Variants in PPP3CA observed in about 807,000 individuals in gnomAD.
PPP3CA encodes the protein CAM-PRP catalytic subunit.
A neutral mutation model predicts 66.5 loss-of-function variants in PPP3CA; 14 were observed. The ratio of observed to expected loss-of-function variants is 0.21; its 90% CI spans 0.14 to 0.33. The LOEUF (loss-of-function observed/expected upper bound fraction) is 0.33. PPP3CA is among the 10% of genes least tolerant of loss of function. The pLI, the probability that PPP3CA is intolerant of heterozygous loss-of-function variation, is 1.00. For synonymous variants in PPP3CA, 232 were observed against 226.2 expected, an observed-to-expected ratio of 1.03 and a Z score of -0.23; for missense variants, 317 against 639.5, an observed-to-expected ratio of 0.50 and a Z score of 5.44.
At chr4:101,275,846 C>G (rs1304686413) in intron 1 of PPP3CA, among the ~76,000 whole-genome samples, 1 of 145,836 alleles carries the variant, frequency 6.9e-6, no homozygotes, top group African/African-American at 2.5e-5. Context: ...TTTTTGTTTT[C>G]TGTGTGTATG....
At chr4:101,029,427 C>G (rs966451639) in intron 12 of PPP3CA, among the ~76,000 whole-genome samples, 2 of 148,574 alleles carry the variant, frequency 1.3e-5, no homozygotes, top group South Asian at 2.1e-4. Context: ...GTACGCCTAT[C>G]TGAATTAAAT....
At chr4:101,343,254 A>C (rs1186972106) in intron 1 of PPP3CA, among the ~76,000 whole-genome samples, 1 of 152,218 alleles carries the variant, frequency 6.6e-6, no homozygotes, top group Non-Finnish European at 1.5e-5. Context: ...TAACAAAGCC[A>C]AATACTCATT....
At chr4:101,177,270 C>T (rs1315064642) in intron 2 of PPP3CA, among the ~76,000 whole-genome samples, 1 of 152,082 alleles carries the variant, frequency 6.6e-6, no homozygotes, top group African/African-American at 2.4e-5. Context: ...TTAGACTAAT[C>T]AAGATATTCC....
chr4:101,279,084 T>C (rs189972786), intron 1 of PPP3CA, among the ~76,000 whole-genome samples: 1 of 152,244 alleles, frequency 6.6e-6, no homozygotes, highest in Admixed American at 6.5e-5. Context: ...ACCAATCACC[T>C]TCTCACTGAA....
chr4:101,090,840 CTG>C lies in PPP3CA; in HGVS notation c.782+2934_782+2935del, dbSNP rs1023173764. ...CTAATGCCGTAATATATAGACATAT[CTG>C]TGTCTATATTATAATATACACACAT... On this transcript the variant is annotated intron_variant, in intron 6 of 13. Coordinates refer to ENST00000394854, the MANE Select transcript of PPP3CA (RefSeq NM_000944.5). Among the ~76,000 whole-genome samples the C allele has an allele frequency of 7.2e-4, 107 of 148,382 alleles. 1 individual carries two copies. Among genetic ancestry groups the C allele is most frequent in the Non-Finnish European group, 1.2e-3 (84 of 67,212 alleles).
At chr4:101,285,486 T>C (rs1560698186) in intron 1 of PPP3CA, among the ~76,000 whole-genome samples, 1 of 152,150 alleles carries the variant, frequency 6.6e-6, no homozygotes, top group Non-Finnish European at 1.5e-5. Flanking sequence ...TTCCCCCTTC[T>C]TATATCACAT....
intron 1 of PPP3CA, among the ~76,000 whole-genome samples, chr4:101,324,529 C>T (rs1729152314): frequency 6.6e-6 from 1 of 152,094 alleles, no homozygotes; most frequent in African/African-American, 2.4e-5. Flanking sequence ...CAGCCATGCA[C>T]AAACAGAAGA....
In PPP3CA at chr4:101,053,675, C is replaced by T. The variant is rs142188749; in HGVS notation, c.1156+7412G>A. ...GTTTTACTCAAACTCCTGCCTGTAA[C>T]AGAACTCATCTTTCTCCTGGAGGTG... On this transcript the variant is annotated intron_variant, in intron 10 of 13. Transcript: ENST00000394854. Among the ~76,000 whole-genome samples, 86 of 152,146 alleles carry T rather than the reference C, an allele frequency of 5.7e-4. 1 individual carries two copies. Among genetic ancestry groups the T allele is most frequent in the Non-Finnish European group, 1.1e-3 (72 of 67,968 alleles).
At chr4:101,207,998 A>T (rs1296514818) in intron 1 of PPP3CA, among the ~76,000 whole-genome samples, 3 of 152,118 alleles carry the variant, frequency 2.0e-5, no homozygotes, top group Admixed American at 6.6e-5. Flanking sequence ...GATTAAACAC[A>T]CTCATTTAGG....
chr4:101,041,429 A>ATTTT lies in PPP3CA; in HGVS notation c.1157-867_1157-864dup, dbSNP rs11296247. Among the ~76,000 whole-genome samples the ATTTT allele has an allele frequency of 4.1e-4, 35 of 86,094 alleles. 1 individual carries two copies. The highest frequency in any genetic ancestry group is 1.2e-3 in the East Asian group (4 of 3,304). 56.5% of individuals were successfully genotyped at this position (86,094 alleles called of 152,430 possible). A position where few individuals can be genotyped will look rare whatever the true frequency, so the allele number is the denominator to read the frequency against. ...ATAAAACAGAAAAAATACCTCACAA[A>ATTTT]TTTTTTTTTTTTTTTTTTTTTTTGA... On this transcript the variant is annotated intron_variant, in intron 10 of 13. Coordinates refer to ENST00000394854, the MANE Select transcript of PPP3CA (RefSeq NM_000944.5).
intron 1 of PPP3CA, among the ~76,000 whole-genome samples, chr4:101,248,669 T>G (rs1007018089): frequency 6.6e-6 from 1 of 152,218 alleles, no homozygotes; most frequent in East Asian, 1.9e-4. Flanking sequence ...CTTTTTGCAT[T>G]TCAGATTACT....
At chr4:101,139,207 T>C (rs897107169) in intron 2 of PPP3CA, among the ~76,000 whole-genome samples, 3 of 151,678 alleles carry the variant, frequency 2.0e-5, no homozygotes, top group Admixed American at 1.3e-4. Context: ...ATTAGCCAGG[T>C]GTGGTGGCAG....
At chr4:101,332,747 T>C (rs779692468) in intron 1 of PPP3CA, among the ~76,000 whole-genome samples, 3 of 152,242 alleles carry the variant, frequency 2.0e-5, no homozygotes, top group Non-Finnish European at 2.9e-5. Context: ...ATTAGTATCG[T>C]TTCCAAATTT....
rs149794417 is a variant in PPP3CA at position 101,096,266 on chromosome 4, T to C, written c.642+2101A>G. On this transcript the variant is annotated intron_variant, in intron 5 of 13. Coordinates refer to ENST00000394854, the MANE Select transcript of PPP3CA (RefSeq NM_000944.5). ...TTTTTCTCTAAAAACTAATGAACTT[T>C]AAAAGAATATTGAGTTCATGGTAGT... 3.2e-3 allele frequency among the ~76,000 whole-genome samples: 480 copies of C among 152,318 alleles called. 2 individuals carry two copies. Among genetic ancestry groups the C allele is most frequent in the African/African-American group, 0.011 (454 of 41,584 alleles).
rs1232529056 is a variant in PPP3CA, at chr4:101,066,078, A to C, written c.956-2721T>G. Reference sequence around the variant, plus strand: ...TCTTATCATTTATATTTTGAAAATAAGCAAACAGAGAGGTTATCTGCCCAC... The same window carrying C: ...TCTTATCATTTATATTTTGAAAATACGCAAACAGAGAGGTTATCTGCCCAC... On this transcript the variant is annotated intron_variant, in intron 8 of 13. Coordinates refer to ENST00000394854, the MANE Select transcript of PPP3CA (RefSeq NM_000944.5). 4.6e-5 allele frequency among the ~76,000 whole-genome samples: 7 copies of C among 152,160 alleles called. 1 individual carries two copies. Among genetic ancestry groups the C allele is most frequent in the Admixed American group, 4.6e-4 (7 of 15,234 alleles).
intron 2 of PPP3CA, among the ~76,000 whole-genome samples, chr4:101,191,889 T>C (rs1294589644): frequency 6.6e-6 from 1 of 152,164 alleles, no homozygotes; most frequent in Non-Finnish European, 1.5e-5. Flanking sequence ...AATCCTCTGC[T>C]GACCCAGGGA....
At chr4:101,272,541 T>C (rs757614472) in intron 1 of PPP3CA, among the ~76,000 whole-genome samples, 4 of 152,218 alleles carry the variant, frequency 2.6e-5, no homozygotes, top group Non-Finnish European at 5.9e-5. Context: ...TGCATGCTTC[T>C]CTTTAGTACT....
At chr4:101,128,482 G>C (rs985852974) in intron 2 of PPP3CA, among the ~76,000 whole-genome samples, 6 of 151,872 alleles carry the variant, frequency 4.0e-5, no homozygotes, top group Non-Finnish European at 7.4e-5. Flanking sequence ...AACAGCTCCT[G>C]TCTGCAGCTC....
intron 1 of PPP3CA, among the ~76,000 whole-genome samples, chr4:101,209,872 A>T (rs1725247323): frequency 6.6e-6 from 1 of 152,184 alleles, no homozygotes; most frequent in East Asian, 1.9e-4. Context: ...AATATTTTTA[A>T]ATATTATTAA....
Sources: gnomAD v4.1 joint callset for allele counts (sites outside exome capture counted in the v4.1 genomes callset) on GRCh38, gnomAD v4.1.1 for gene constraint, MANE v1.5 for transcripts, NCBI Gene and HGNC (gene_info 2026-07-23, HGNC 2026-07-21) for gene names.